Variants in TENM4 observed in about 807,000 individuals in gnomAD.
TENM4 encodes the protein teneurin-4.
A neutral mutation model predicts 243.3 loss-of-function variants in TENM4; 82 were observed. The ratio of observed to expected loss-of-function variants is 0.34; its 90% CI spans 0.28 to 0.40. The LOEUF (loss-of-function observed/expected upper bound fraction) is 0.40. Among genes scored for constraint, TENM4 ranks in the 10% least tolerant of loss-of-function variants. The pLI is 1.00. For synonymous variants in TENM4, 1,412 were observed against 1,456.3 expected (o/e 0.97, Z 0.69); for missense variants, 3,138 against 3,673.3 (o/e 0.85, Z 3.77).
intron 6 of TENM4, among the ~76,000 whole-genome samples, chr11:79,050,459 C>T (rs1859765590): frequency 1.3e-5 from 2 of 152,172 alleles, no homozygotes; most frequent in Non-Finnish European, 2.9e-5. Context: ...TAATTGCTGT[C>T]TAACTTCTGA....
chr11:78,983,543 A>C (rs1857850606), intron 6 of TENM4, among the ~76,000 whole-genome samples: 1 of 152,132 alleles, frequency 6.6e-6, no homozygotes, highest in Non-Finnish European at 1.5e-5. Context: ...TCATGGCTCT[A>C]TGGGGGTTCT....
At chr11:78,896,904 C>T (rs973866918) in intron 7 of TENM4, among the ~76,000 whole-genome samples, 7 of 152,114 alleles carry the variant, frequency 4.6e-5, no homozygotes, top group Admixed American at 1.3e-4. Context: ...TACCTACATG[C>T]GCAGAAGAGT....
chr11:79,014,001 C>G (rs1858712488), intron 6 of TENM4, among the ~76,000 whole-genome samples: 1 of 152,122 alleles, frequency 6.6e-6, no homozygotes, highest in Non-Finnish European at 1.5e-5. Flanking sequence ...CACTTTTTGA[C>G]TACCTAACAA....
chr11:79,437,062 C>A (rs1371404732), intron 1 of TENM4, among the ~76,000 whole-genome samples: 4 of 152,256 alleles, frequency 2.6e-5, no homozygotes, highest in Non-Finnish European at 5.9e-5. Context: ...CTAAAGGAGA[C>A]ACCCGTTCAC....
In TENM4 at chr11:78,880,457, T is replaced by TAA. The variant is rs71763484; in HGVS notation, c.1084+9326_1084+9327dup. 5.2e-3 allele frequency among the ~76,000 whole-genome samples: 539 copies of TAA among 103,996 alleles called. 2 individuals are homozygous for TAA. Among genetic ancestry groups the TAA allele is most frequent in the African/African-American group, 8.5e-3 (125 of 14,656 alleles). 68.2% of individuals were successfully genotyped at this position (103,996 alleles called of 152,430 possible). ...ACACCCAAGAATGATCAATAAATAC[T>TAA]AAAAAAAAAAAAAAAAAAAAAAAAA... On this transcript the variant is annotated intron_variant, in intron 9 of 33. Coordinates refer to ENST00000278550, the MANE Select transcript of TENM4 (RefSeq NM_001098816.3).
intron 6 of TENM4, among the ~76,000 whole-genome samples, chr11:78,955,534 G>A (rs1413430925): frequency 6.6e-6 from 1 of 152,120 alleles, no homozygotes; most frequent in African/African-American, 2.4e-5. Context: ...CTCGGGGAGT[G>A]GTGTAGGAAT....
chr11:79,136,524 C>T (rs930656202), intron 4 of TENM4, among the ~76,000 whole-genome samples: 1 of 152,070 alleles, frequency 6.6e-6, no homozygotes, highest in African/African-American at 2.4e-5. Context: ...CAGCAGAGAA[C>T]AACACTGAGC....
intron 15 of TENM4, among the ~76,000 whole-genome samples, chr11:78,793,296 C>T (rs1480119057): frequency 6.6e-6 from 1 of 152,212 alleles, no homozygotes; most frequent in Non-Finnish European, 1.5e-5. Context: ...ATCTGCACGC[C>T]TTCCTGCTGA....
In TENM4 at chr11:79,222,253, C is replaced by T. The variant is rs1042112465; in HGVS notation, c.-264-6344G>A. ...CCCACTTTTAAGTGAGAGCATGCAG[C>T]GTTTGGTTTTCTGTTCCTGTGTTAG... On this transcript the variant is annotated intron_variant, in intron 2 of 33. Coordinates refer to ENST00000278550, the MANE Select transcript of TENM4 (RefSeq NM_001098816.3). Among the ~76,000 whole-genome samples, 14 of 152,268 alleles carry T rather than the reference C, an allele frequency of 9.2e-5. No homozygotes were observed. The East Asian group carries it at 1.5e-3, about 17-fold the overall frequency.
At chr11:78,866,929 A>G (rs943236408) in intron 9 of TENM4, among the ~76,000 whole-genome samples, 1 of 152,226 alleles carries the variant, frequency 6.6e-6, no homozygotes, top group Non-Finnish European at 1.5e-5. Context: ...ATGAAGTTCA[A>G]CCAGTAATGT....
intron 2 of TENM4, among the ~76,000 whole-genome samples, chr11:79,221,756 A>G (rs949203245): frequency 6.6e-6 from 1 of 152,160 alleles, no homozygotes; most frequent in Non-Finnish European, 1.5e-5. Context: ...AAGGCAGCAG[A>G]TGGTTTTATG....
At chr11:79,300,274 A>G (rs972576516) in intron 1 of TENM4, among the ~76,000 whole-genome samples, 3 of 152,246 alleles carry the variant, frequency 2.0e-5, no homozygotes, top group African/African-American at 7.2e-5. Flanking sequence ...ACAGACATCC[A>G]CACAATGTAC....
chr11:78,939,895 A>C (rs1856853729), intron 6 of TENM4, among the ~76,000 whole-genome samples: 1 of 152,192 alleles, frequency 6.6e-6, no homozygotes, highest in Non-Finnish European at 1.5e-5. Context: ...CACCTAGCAC[A>C]ATGCTAGCTA....
chr11:79,190,163 C>G lies in TENM4; in HGVS notation c.-163+25645G>C, dbSNP rs540287693. Among the ~76,000 whole-genome samples, 5 of 152,332 alleles carry G rather than the reference C, an allele frequency of 3.3e-5. No homozygotes were observed. The South Asian group carries it at 8.3e-4, about 25-fold the overall frequency. On this transcript the variant is annotated intron_variant, in intron 3 of 33. Coordinates refer to ENST00000278550, the MANE Select transcript of TENM4 (RefSeq NM_001098816.3). Reference sequence around the variant, plus strand: ...CTCCCCTATTTGCCTGTTTGTCTTACTTGGTAGACCTCACCACCACGGCAT... The same window carrying G: ...CTCCCCTATTTGCCTGTTTGTCTTAGTTGGTAGACCTCACCACCACGGCAT...
intron 10 of TENM4, among the ~76,000 whole-genome samples, chr11:78,858,600 T>C (rs1858736468): frequency 2.0e-5 from 3 of 152,170 alleles, no homozygotes; most frequent in Non-Finnish European, 2.9e-5. Context: ...TAAAAATCCT[T>C]ATTGCCTTAC....
intron 13 of TENM4, 138 bp downstream of exon 13, chr11:78,814,156 C>T (rs1857556164): frequency 2.7e-6 from 2 of 742,346 alleles, no homozygotes; most frequent in Non-Finnish European, 2.2e-6. Context: ...CCAAGGGCTT[C>T]TGGAGAATGG....
At position 78,997,841 on chromosome 11, in the gene TENM4, G is replaced by T. The variant is rs1858215018; in HGVS notation, c.493+66897C>A. ...TTGGAAGGTAGAGCCTTTTTAGGAG[G>T]TAATTAGGTTTAGATGAAGTAATGA... On this transcript the variant is annotated intron_variant, in intron 6 of 33. Transcript: ENST00000278550. 1.3e-5 allele frequency among the ~76,000 whole-genome samples: 2 copies of T among 152,146 alleles called. 1 individual carries two copies. Among genetic ancestry groups the T allele is most frequent in the South Asian group, 4.2e-4 (2 of 4,816 alleles).
chr11:79,114,201 T>A (rs1184840998), intron 4 of TENM4, among the ~76,000 whole-genome samples: 1 of 152,140 alleles, frequency 6.6e-6, no homozygotes, highest in African/African-American at 2.4e-5. Context: ...TCTCTCAATG[T>A]CTTGTGAATA....
chr11:78,712,920 C>A (rs943678830), intron 25 of TENM4, among the ~76,000 whole-genome samples: 1 of 133,242 alleles, frequency 7.5e-6, no homozygotes, highest in East Asian at 1.9e-4. Context: ...CTTGCAAAAA[C>A]CCCTTGCAAT....
Sources: allele counts gnomAD v4.1 joint callset (sites outside exome capture counted in the v4.1 genomes callset), GRCh38; gene constraint gnomAD v4.1.1; transcripts MANE v1.5; gene names NCBI Gene and HGNC (gene_info 2026-07-23, HGNC 2026-07-21).